Variants in BTK observed in about 807,000 individuals in gnomAD.
The protein encoded by BTK is Bruton tyrosine kinase.
Under a neutral mutation model 57.4 loss-of-function variants are expected in BTK, and 5 were observed. That is an observed-to-expected ratio of 0.09 (90% CI 0.05 to 0.18). The LOEUF (loss-of-function observed/expected upper bound fraction) is 0.18, where lower values mean the gene tolerates loss of function less well. BTK is among the 10% of genes least tolerant of loss of function. The probability of loss-of-function intolerance (pLI) is 1.00; values close to 1 mark genes in which losing one functional copy is unlikely to be tolerated. For missense variants in BTK, 194 were observed against 501.2 expected, an observed-to-expected ratio of 0.39 and a Z score of 5.85; for synonymous variants, 154 against 174.3, an observed-to-expected ratio of 0.88 and a Z score of 0.92.
At chrX:101,375,024 G>T (rs1555980847) in intron 2 of BTK, 120 bp downstream of exon 2, 8 of 874,404 alleles carry the variant, frequency 9.1e-6, no homozygotes, top group Non-Finnish European at 1.2e-5. Context: ...GAATTTGAAA[G>T]AACTTAGGTC....
At chrX:101,368,387 G>A (rs1555979798) in intron 5 of BTK, among the ~76,000 whole-genome samples, 1 of 111,866 alleles carries the variant, frequency 8.9e-6, no homozygotes, top group East Asian at 2.8e-4. Context: ...CCAACTACAT[G>A]TGAAATTTCT....
intron 1 of BTK, among the ~76,000 whole-genome samples, chrX:101,382,544 T>C (rs1293024986): frequency 3.6e-5 from 4 of 110,648 alleles, no homozygotes; most frequent in African/African-American, 9.9e-5. Flanking sequence ...CCTGGCCTTA[T>C]GTTTTTAGCA....
At chrX:101,369,787 T>C (rs1274758375) in intron 5 of BTK, among the ~76,000 whole-genome samples, 1 of 110,169 alleles carries the variant, frequency 9.1e-6, no homozygotes, top group Admixed American at 9.8e-5. Flanking sequence ...CTTCCTTCTT[T>C]CCTTGCTTCC....
chrX:101,362,446 T>G, intron 6 of BTK, 115 bp downstream of exon 6: 1 of 1,131,415 alleles, frequency 8.8e-7, no homozygotes, highest in Non-Finnish European at 1.2e-6. Flanking sequence ...CCAGGACCCT[T>G]TGTTTAGCAC....
chrX:101,359,764 G>A (rs2064806240), intron 9 of BTK, among the ~76,000 whole-genome samples: 2 of 108,944 alleles, frequency 1.8e-5, no homozygotes, highest in African/African-American at 6.7e-5. Flanking sequence ...AGGGTGTTTG[G>A]GGGGTAAAGG....
chrX:101,368,170 C>T (rs1207781554), intron 5 of BTK, among the ~76,000 whole-genome samples: 3 of 111,594 alleles, frequency 2.7e-5, no homozygotes, highest in African/African-American at 9.8e-5. Context: ...ATAACTGCCT[C>T]ATATGGTTAA....
chrX:101,366,820 G>A (rs1926866082), intron 5 of BTK, among the ~76,000 whole-genome samples: 1 of 112,414 alleles, frequency 8.9e-6, no homozygotes, highest in South Asian at 3.7e-4. Flanking sequence ...TCACACTGAT[G>A]ACCCAGCTGA....
chrX:101,357,604 A>G, intron 12 of BTK, 21 bp from the exon 13 acceptor site: 1 of 1,180,299 alleles, frequency 8.5e-7, no homozygotes, highest in Non-Finnish European at 1.2e-6. Flanking sequence ...GAGAGAGGTC[A>G]TGCTGTTGGT....
chrX:101,357,707 C>T, intron 12 of BTK, 124 bp from the exon 13 acceptor site: 1 of 583,123 alleles, frequency 1.7e-6, no homozygotes, highest in Non-Finnish European at 3.0e-6. Context: ...TCCCAGAAGA[C>T]CTCCATGAAC....
At chrX:101,378,691 C>T (rs782319595) in intron 1 of BTK, among the ~76,000 whole-genome samples, 1 of 111,398 alleles carries the variant, frequency 9.0e-6, no homozygotes, top group South Asian at 3.7e-4. Flanking sequence ...AAGATTTTTA[C>T]AGGGCCACCT....
Position 101,359,302 on chromosome X carries a change from T to G in BTK, c.885A>C (p.Leu295=), listed in dbSNP as rs2041331171. 8.3e-7 allele frequency: 1 copy of G among 1,211,488 alleles called. No individual in the cohort carries two copies. The highest frequency in any genetic ancestry group is 1.7e-5 in the African/African-American group (1 of 57,734). The change falls in exon 10 of 19, where the codon CTA becomes CTC. Residue 295 remains leucine (L), a synonymous_variant. Coordinates refer to ENST00000308731, the MANE Select transcript of BTK (RefSeq NM_000061.3). ...HMTRSQAEQL[L]KQEGKEGGFI... is the part of the protein sequence containing the mutation. ...GTGGTTCCACACTTACCTCTTGCTT[T>G]AGCAGTTGCTCAGCCTGACTCCGAG...
chrX:101,367,531 G>A (rs932875252), intron 5 of BTK, among the ~76,000 whole-genome samples: 7 of 109,128 alleles, frequency 6.4e-5, no homozygotes, highest in South Asian at 3.9e-4. Context: ...AACTACTCGG[G>A]AGGCTGAGGT....
intron 10 of BTK, among the ~76,000 whole-genome samples, 199 bp downstream of exon 10, chrX:101,359,094 C>T (rs782800111): frequency 7.2e-5 from 8 of 111,848 alleles, no homozygotes; most frequent in Non-Finnish European, 1.5e-4. Context: ...GCCCAGATCA[C>T]GCCACTGCAC....
At chrX:101,379,980 CTTG>C (rs1457485053) in intron 1 of BTK, among the ~76,000 whole-genome samples, 2 of 112,302 alleles carry the variant, frequency 1.8e-5, no homozygotes, top group Admixed American at 1.9e-4. Flanking sequence ...TCTAGAGTCA[CTTG>C]TTGTTTCCTT....
At position 101,356,115 on chromosome X, in the gene BTK, C is replaced by T; in HGVS notation, c.1503G>A (p.Met501Ile). The T allele has an allele frequency of 8.3e-7, 1 of 1,211,569 alleles. No individual in the cohort carries two copies. Among genetic ancestry groups the T allele is most frequent in the Non-Finnish European group, 1.1e-6 (1 of 895,537 alleles). The change falls in exon 15 of 19, where the codon ATG becomes ATA. Residue 501 changes from methionine to isoleucine, a missense_variant. Physicochemically the swap from Met to Ile is conservative, Grantham distance 10 (BLOSUM62 1). Transcript: ENST00000308731. ...HRFQTQQLLE[M>I]CKDVCEAMEY... is the part of the protein sequence containing the mutation. The stretch of plus-strand genomic sequence containing the variant: ...CCATGGCTTCACAGACATCCTTGCA[C>T]ATCTCTAGCAGCTGCTGAGTCTGGA...
chrX:101,356,167 T>C lies in BTK; in HGVS notation c.1451A>G (p.Asn484Ser). ...TEYMANGCLLNYLREMRHRFQ... is the reference protein window; with the variant it reads ...TEYMANGCLLSYLREMRHRFQ... Reference sequence around the variant, plus strand: ...GCGGTGGCGCATCTCCCTCAGGTAGTTCAGGAGGCAGCCATTGGCCATGTA... The same window carrying C: ...GCGGTGGCGCATCTCCCTCAGGTAGCTCAGGAGGCAGCCATTGGCCATGTA... Residue 484 changes from asparagine to serine, a missense_variant, in exon 15 of 19, where the codon AAC (asparagine) becomes AGC (serine). Transcript: ENST00000308731. 1 of 1,211,322 alleles carries C rather than the reference T, an allele frequency of 8.3e-7. No individual in the cohort carries two copies. The highest frequency in any genetic ancestry group is 1.8e-5 in the South Asian group (1 of 56,947).
intron 3 of BTK, among the ~76,000 whole-genome samples, chrX:101,373,683 T>A (rs1927114490): frequency 8.9e-6 from 1 of 112,337 alleles, no homozygotes; most frequent in Non-Finnish European, 1.9e-5. Flanking sequence ...TTAATCTTTT[T>A]GTATTTTTTA....
rs182556329 is a variant in BTK at position 101,359,095 on chromosome X, G to A, written c.894+198C>T. Among the ~76,000 whole-genome samples, 17 of 111,892 alleles carry A rather than the reference G, an allele frequency of 1.5e-4. 1 individual carries two copies. The highest frequency in any genetic ancestry group is 5.5e-4 in the African/African-American group (17 of 30,808). On this transcript the variant is annotated intron_variant, in intron 10 of 18. Coordinates refer to ENST00000308731, the MANE Select transcript of BTK (RefSeq NM_000061.3). The stretch of plus-strand genomic sequence containing the variant: ...GGAGGTTGCAGTGAGCCCAGATCAC[G>A]CCACTGCACTCCAGCCTGGGTGACA...
At chrX:101,386,362 A>C (rs138069589), upstream of BTK, 34 of 110,686 alleles carry the variant, frequency 3.1e-4, no homozygotes, top group African/African-American at 1.1e-3. Flanking sequence ...TGACACTACT[A>C]TCTTGAGTCT....
Sources: allele counts gnomAD v4.1 joint callset (sites outside exome capture counted in the v4.1 genomes callset), GRCh38; gene constraint gnomAD v4.1.1; transcripts MANE v1.5; gene names NCBI Gene and HGNC (gene_info 2026-07-23, HGNC 2026-07-21).